PARL: variants seen among roughly 807,000 people sequenced by gnomAD.
PARL encodes presenilin associated rhomboid like, also known as presenilin-associated rhomboid-like protein, mitochondrial.
Under a neutral mutation model 51.6 loss-of-function variants are expected in PARL, and 44 were observed. The ratio of observed to expected loss-of-function variants is 0.85; its 90% CI spans 0.67 to 1.10. The LOEUF is 1.10. Ranked by LOEUF, PARL falls within the 50% of genes least tolerant of loss-of-function variation. The pLI, the probability that PARL is intolerant of heterozygous loss-of-function variation, is 0.00. For synonymous variants in PARL, 172 were observed against 164.0 expected (o/e 1.05, Z -0.37); for missense variants, 441 against 469.5 (o/e 0.94, Z 0.56).
chr3:183,859,797 A>G (rs181639553), intron 4 of PARL, among the ~76,000 whole-genome samples: 1 of 152,248 alleles, frequency 6.6e-6, no homozygotes, highest in Admixed American at 6.5e-5. Flanking sequence ...GAAACTATGT[A>G]TATTTGGATT....
chr3:183,873,030 G>A (rs1011397466), intron 1 of PARL, among the ~76,000 whole-genome samples: 3 of 152,024 alleles, frequency 2.0e-5, no homozygotes, highest in African/African-American at 7.3e-5. Flanking sequence ...TGTATTCCTG[G>A]TATAATTTTT....
chr3:183,854,394 AAAT>A (rs1260406569), intron 4 of PARL, among the ~76,000 whole-genome samples: 25 of 152,208 alleles, frequency 1.6e-4, no homozygotes, highest in Admixed American at 1.6e-3. Context: ...ACACAAAATA[AAAT>A]ATTATTTAGC....
At chr3:183,837,033 G>A (rs768323331) in intron 7 of PARL, among the ~76,000 whole-genome samples, 3 of 152,120 alleles carry the variant, frequency 2.0e-5, no homozygotes, top group African/African-American at 4.8e-5. Context: ...GAGCCACTGC[G>A]CCTGGGCTCA....
chr3:183,837,882 TAGG>T (rs1276752509), intron 7 of PARL, among the ~76,000 whole-genome samples: 1 of 152,060 alleles, frequency 6.6e-6, no homozygotes, highest in Non-Finnish European at 1.5e-5. Flanking sequence ...GAGGCCCAGG[TAGG>T]AGGATCACTT....
At chr3:183,839,258 T>C (rs1435252753) in intron 7 of PARL, among the ~76,000 whole-genome samples, 1 of 152,132 alleles carries the variant, frequency 6.6e-6, no homozygotes, top group Admixed American at 6.6e-5. Flanking sequence ...CTTTTTAGAG[T>C]TCCTTTAAAT....
rs372392952 is a variant in PARL at position 183,848,275 on chromosome 3, G to A, written c.512-3949C>T. Among the ~76,000 whole-genome samples the A allele has an allele frequency of 2.0e-3, 298 of 152,218 alleles. 3 individuals carry two copies. Among genetic ancestry groups the A allele is most frequent in the African/African-American group, 6.9e-3 (286 of 41,530 alleles). ...TTTTTCTTTTTTGAGACGGAGTCTC[G>A]CTGTCTCCCAGGCTGGAGTGCAGTG... On this transcript the variant is annotated intron_variant, in intron 4 of 9. Coordinates refer to ENST00000317096, the MANE Select transcript of PARL (RefSeq NM_018622.7).
At chr3:183,871,640 C>T (rs1733229827) in intron 1 of PARL, among the ~76,000 whole-genome samples, 1 of 151,874 alleles carries the variant, frequency 6.6e-6, no homozygotes, top group Admixed American at 6.6e-5. Flanking sequence ...ATATGTGATT[C>T]TGTGACTTCC....
At chr3:183,867,835 T>C in intron 2 of PARL, 30 bp downstream of exon 2, 1 of 1,499,964 alleles carries the variant, frequency 6.7e-7, no homozygotes, top group Non-Finnish European at 9.3e-7. Context: ...TCTAGCAAGG[T>C]AGGTAACTCC....
intron 1 of PARL, among the ~76,000 whole-genome samples, chr3:183,872,626 C>T (rs1426736156): frequency 6.6e-6 from 1 of 152,172 alleles, no homozygotes; most frequent in Non-Finnish European, 1.5e-5. Context: ...CTATTTCCAA[C>T]CCTTTCCCCT....
At chr3:183,867,476 G>A (rs975075886) in intron 2 of PARL, among the ~76,000 whole-genome samples, 12 of 152,076 alleles carry the variant, frequency 7.9e-5, no homozygotes, top group East Asian at 5.8e-4. Context: ...CAAGGCGGGC[G>A]GATCATGAGG....
chr3:183,866,190 C>T (rs552202040), intron 3 of PARL, among the ~76,000 whole-genome samples: 9 of 152,208 alleles, frequency 5.9e-5, no homozygotes, highest in East Asian at 1.9e-4. Flanking sequence ...AACAACTATC[C>T]GTGGTGATTT....
At chr3:183,853,815 T>C (rs1189724357) in intron 4 of PARL, among the ~76,000 whole-genome samples, 2 of 152,140 alleles carry the variant, frequency 1.3e-5, no homozygotes, top group African/African-American at 2.4e-5. Flanking sequence ...ATGTGAGAAA[T>C]TGGAAGACTT....
Position 183,829,484 on chromosome 3 carries a change from G to A in PARL, c.*114C>T, listed in dbSNP as rs530050876. ...GGGGACACAGCTGAAAACAGTGGGA[G>A]GCCAGATGCTGGCATCTTCCAGACG... On this transcript the variant is annotated 3_prime_UTR_variant, in exon 10 of 10. Coordinates refer to ENST00000317096, the MANE Select transcript of PARL (RefSeq NM_018622.7). 574 of 1,609,966 alleles carry A rather than the reference G, an allele frequency of 3.6e-4. 7 individuals are homozygous for A. The South Asian group carries it at 6.1e-3, about 17-fold the overall frequency.
rs530993097 is a variant in PARL at position 183,862,836 on chromosome 3, AGAAATTTCAGGCTACAAAAATG to A, written c.463-57_463-36del. The A allele has an allele frequency of 2.0e-4, 317 of 1,557,398 alleles. 7 individuals are homozygous for A. In the South Asian group the frequency reaches 3.5e-3, roughly 17 times the overall value. ...ACAGAAAATTGCATCACCACATGTG[AGAAATTTCAGGCTACAAAAATG>A]AAAAACCAGAAGAAAATGCCTCGCA... On this transcript the variant is annotated intron_variant, in intron 3 of 9. Transcript: ENST00000317096.
intron 4 of PARL, among the ~76,000 whole-genome samples, chr3:183,859,145 A>C (rs1731511614): frequency 6.6e-6 from 1 of 152,070 alleles, no homozygotes; most frequent in African/African-American, 2.4e-5. Context: ...CTCTACTAAA[A>C]ATACAAAAAA....
At chr3:183,847,448 T>C (rs565256846) in intron 4 of PARL, among the ~76,000 whole-genome samples, 1 of 152,144 alleles carries the variant, frequency 6.6e-6, no homozygotes, top group African/African-American at 2.4e-5. Context: ...GCTTGGGTCC[T>C]AGCTATTTGG....
chr3:183,863,176 C>A (rs1018701452), intron 3 of PARL, among the ~76,000 whole-genome samples: 11 of 152,080 alleles, frequency 7.2e-5, no homozygotes, highest in African/African-American at 2.4e-4. Flanking sequence ...ATTATTCATA[C>A]CAAGGTCTTA....
intron 4 of PARL, among the ~76,000 whole-genome samples, chr3:183,859,176 C>T (rs1314067983): frequency 6.6e-6 from 1 of 151,916 alleles, no homozygotes; most frequent in East Asian, 2.0e-4. Context: ...CACTTATAGG[C>T]TGAGGAAGGA....
chr3:183,843,878 A>G (rs1182459183), intron 5 of PARL, among the ~76,000 whole-genome samples: 1 of 151,876 alleles, frequency 6.6e-6, no homozygotes, highest in Non-Finnish European at 1.5e-5. Flanking sequence ...GTCTCTATTA[A>G]AAATACAAAA....
Sources: allele counts gnomAD v4.1 joint callset (sites outside exome capture counted in the v4.1 genomes callset), GRCh38; gene constraint gnomAD v4.1.1; transcripts MANE v1.5; gene names NCBI Gene and HGNC (gene_info 2026-07-23, HGNC 2026-07-21).